SHISA6: variants seen among roughly 807,000 people sequenced by gnomAD.
The protein encoded by SHISA6 is shisa family member 6, also known as protein shisa-6.
In SHISA6, 22 loss-of-function variants were observed where a neutral mutation model predicts 47.9. The ratio of observed to expected loss-of-function variants is 0.46; its 90% CI spans 0.33 to 0.66. SHISA6 has a LOEUF of 0.66. Among genes scored for constraint, SHISA6 ranks in the 30% least tolerant of loss-of-function variants. SHISA6 has a pLI of 0.02. For missense variants in SHISA6, 680 were observed against 764.6 expected, an observed-to-expected ratio of 0.89 and a Z score of 1.30; for synonymous variants, 388 against 337.8, an observed-to-expected ratio of 1.15 and a Z score of -1.63.
chr17:11,417,545 G>A (rs1360983378), intron 3 of SHISA6, among the ~76,000 whole-genome samples: 1 of 152,196 alleles, frequency 6.6e-6, no homozygotes, highest in Admixed American at 6.5e-5. Flanking sequence ...GGAGATCGGG[G>A]ACAATTTAGA....
chr17:11,432,572 A>G (rs1450688099), intron 3 of SHISA6, among the ~76,000 whole-genome samples: 4 of 152,208 alleles, frequency 2.6e-5, no homozygotes. Context: ...TAACTTAAAT[A>G]GAGAAGGAAT....
At chr17:11,393,184 A>G (rs1597490804) in intron 3 of SHISA6, among the ~76,000 whole-genome samples, 2 of 152,166 alleles carry the variant, frequency 1.3e-5, no homozygotes, top group Admixed American at 1.3e-4. Context: ...CTCTTCCCCT[A>G]GTGTTCCCCA....
At position 11,242,335 on chromosome 17, in the gene SHISA6, A is replaced by G. The variant is rs150204620; in HGVS notation, c.638+275A>G. Among the ~76,000 whole-genome samples the G allele has an allele frequency of 7.2e-4, 110 of 152,328 alleles. 2 individuals are homozygous for G. The East Asian group carries it at 0.019, about 26-fold the overall frequency. ...GAAGTTCCAAGTGTAAGAATGTTACAAATTCTGTAATCGTGGATGAGGATC... is the reference window on the plus strand; with the variant it reads ...GAAGTTCCAAGTGTAAGAATGTTACGAATTCTGTAATCGTGGATGAGGATC... On this transcript the variant is annotated intron_variant, in intron 1 of 5. Transcript: ENST00000441885.
At chr17:11,258,853 A>T (rs894679593) in intron 1 of SHISA6, among the ~76,000 whole-genome samples, 21 of 152,236 alleles carry the variant, frequency 1.4e-4, no homozygotes, top group Admixed American at 3.3e-4. Flanking sequence ...TGCCCCAACG[A>T]TTAAACACTC....
chr17:11,242,892 T>G (rs115637426), intron 1 of SHISA6, among the ~76,000 whole-genome samples: 45 of 152,022 alleles, frequency 3.0e-4, no homozygotes, highest in African/African-American at 1.0e-3. Context: ...CTTGGGGAAG[T>G]CAAAGCCAAG....
At chr17:11,259,664 A>G (rs552703561) in intron 1 of SHISA6, among the ~76,000 whole-genome samples, 2 of 152,384 alleles carry the variant, frequency 1.3e-5, no homozygotes, top group African/African-American at 4.8e-5. Flanking sequence ...CCTCAGGACC[A>G]CTGACAACAA....
chr17:11,329,652 C>T (rs931651938), intron 2 of SHISA6, among the ~76,000 whole-genome samples: 1 of 152,078 alleles, frequency 6.6e-6, no homozygotes, highest in African/African-American at 2.4e-5. Flanking sequence ...AACAAATATA[C>T]TGGGCATTAC....
intron 3 of SHISA6, among the ~76,000 whole-genome samples, chr17:11,387,339 GTGA>G (rs1567591647): frequency 1.3e-5 from 2 of 152,138 alleles, no homozygotes. Context: ...ATTGGAGCAG[GTGA>G]TGAGTTCAAG....
chr17:11,455,766 A>G (rs1050013782), intron 3 of SHISA6, among the ~76,000 whole-genome samples: 2 of 152,164 alleles, frequency 1.3e-5, no homozygotes, highest in African/African-American at 4.8e-5. Context: ...GCAGGGCACT[A>G]CGCTGGGTAC....
At chr17:11,365,768 A>G (rs1242201149) in intron 2 of SHISA6, among the ~76,000 whole-genome samples, 1 of 152,184 alleles carries the variant, frequency 6.6e-6, no homozygotes, top group Non-Finnish European at 1.5e-5. Context: ...AGGGAGATGG[A>G]CAATAAACAA....
chr17:11,499,258 C>T (rs2071431414), intron 3 of SHISA6, among the ~76,000 whole-genome samples: 1 of 152,192 alleles, frequency 6.6e-6, no homozygotes. Flanking sequence ...GTGGCAGTGG[C>T]ATTGCTGTCC....
At chr17:11,540,824 G>T (rs1321033215) in intron 3 of SHISA6, among the ~76,000 whole-genome samples, 1 of 152,190 alleles carries the variant, frequency 6.6e-6, no homozygotes, top group Non-Finnish European at 1.5e-5. Flanking sequence ...AGAGTTCAGA[G>T]AAAGTATTTC....
intron 2 of SHISA6, among the ~76,000 whole-genome samples, chr17:11,336,218 GTAA>G (rs1042956584): frequency 2.0e-5 from 3 of 151,728 alleles, no homozygotes; most frequent in Admixed American, 1.3e-4. Context: ...AGAAATAATA[GTAA>G]TAATAATAAT....
chr17:11,294,405 C>T (rs1461840912), intron 2 of SHISA6, among the ~76,000 whole-genome samples: 1 of 152,160 alleles, frequency 6.6e-6, no homozygotes, highest in African/African-American at 2.4e-5. Flanking sequence ...AGGGTTGGGT[C>T]CTGTCCACCC....
chr17:11,504,334 A>G (rs1169473777), intron 3 of SHISA6, among the ~76,000 whole-genome samples: 1 of 152,130 alleles, frequency 6.6e-6, no homozygotes, highest in Non-Finnish European at 1.5e-5. Flanking sequence ...TCTTTGCTAA[A>G]CTTTTAAAGC....
intron 3 of SHISA6, among the ~76,000 whole-genome samples, chr17:11,456,524 C>T (rs1485406490): frequency 1.3e-5 from 2 of 152,226 alleles, no homozygotes; most frequent in African/African-American, 4.8e-5. Context: ...CAGGCATCTA[C>T]ATCCATAAGA....
Position 11,471,101 on chromosome 17 carries a change from C to T in SHISA6, c.896-80795C>T, listed in dbSNP as rs188163689. ...GCGCATGCCTGTTATCCCAGCTACT[C>T]GGGAGGCTGAAGCAGGAGAATCGCT... On this transcript the variant is annotated intron_variant, in intron 3 of 5. Transcript: ENST00000441885. 2.0e-5 allele frequency among the ~76,000 whole-genome samples: 3 copies of T among 150,888 alleles called. No homozygotes were observed. The Admixed American group carries it at 2.0e-4, about 10-fold the overall frequency.
intron 3 of SHISA6, among the ~76,000 whole-genome samples, chr17:11,533,524 A>G (rs2071755723): frequency 6.6e-6 from 1 of 151,788 alleles, no homozygotes. Flanking sequence ...CCACCGTCCA[A>G]AATCAAGTCT....
intron 3 of SHISA6, among the ~76,000 whole-genome samples, chr17:11,494,913 A>G (rs2142341385): frequency 1.3e-5 from 2 of 152,262 alleles, no homozygotes; most frequent in South Asian, 4.1e-4. Context: ...GGAGCCAGCC[A>G]TTAATATTGT....
Sources: gnomAD v4.1 joint callset for allele counts (sites outside exome capture counted in the v4.1 genomes callset) on GRCh38, gnomAD v4.1.1 for gene constraint, MANE v1.5 for transcripts, NCBI Gene and HGNC (gene_info 2026-07-23, HGNC 2026-07-21) for gene names.